FBXO34: variants seen among roughly 807,000 people sequenced by gnomAD.
FBXO34 encodes the protein F-box only protein 34.
FBXO34 carries 12 observed loss-of-function variants against 24.5 expected under a neutral mutation model. The ratio of observed to expected loss-of-function variants is 0.49; its 90% CI spans 0.31 to 0.79. The LOEUF is 0.79. Among genes scored for constraint, FBXO34 ranks in the 30% least tolerant of loss-of-function variants. The pLI, the probability that FBXO34 is intolerant of heterozygous loss-of-function variation, is 0.04. For missense variants in FBXO34, 823 were observed against 857.7 expected, an observed-to-expected ratio of 0.96 and a Z score of 0.51; for synonymous variants, 320 against 311.9, an observed-to-expected ratio of 1.03 and a Z score of -0.27.
intron 1 of FBXO34, among the ~76,000 whole-genome samples, chr14:55,279,575 C>A (rs558360364): frequency 6.6e-6 from 1 of 152,270 alleles, no homozygotes; most frequent in East Asian, 1.9e-4. Context: ...TATATATAAA[C>A]CCTTGGAGTA....
chr14:55,315,289 T>C (rs1290801901), intron 1 of FBXO34, among the ~76,000 whole-genome samples: 2 of 152,254 alleles, frequency 1.3e-5, no homozygotes, highest in East Asian at 1.9e-4. Flanking sequence ...CTTGTCCTTA[T>C]TTACTTTCAG....
chr14:55,424,395 T>G, the FBXO34 span: 4 of 563,244 alleles, frequency 7.1e-6, no homozygotes, highest in Non-Finnish European at 9.5e-6. Context: ...TTAACTATCT[T>G]GATGAAGAGT....
chr14:55,320,592 A>G (rs890592190), intron 1 of FBXO34, among the ~76,000 whole-genome samples: 1 of 152,150 alleles, frequency 6.6e-6, no homozygotes, highest in East Asian at 1.9e-4. Context: ...TCTACTAAAA[A>G]TACACACACA....
At chr14:55,378,246 T>C in the FBXO34 span, among the ~76,000 whole-genome samples, 1 of 152,232 alleles carries the variant, frequency 6.6e-6, no homozygotes. Context: ...AGAACAATTA[T>C]ACTGCATCTA....
At chr14:55,273,373 TG>T (rs1881223786) in intron 1 of FBXO34, among the ~76,000 whole-genome samples, 1 of 152,226 alleles carries the variant, frequency 6.6e-6, no homozygotes, top group Non-Finnish European at 1.5e-5. Context: ...AAGGCTTTCC[TG>T]TACATGTTAT....
At chr14:55,387,933 A>AT in the FBXO34 span, among the ~76,000 whole-genome samples, 8 of 152,132 alleles carry the variant, frequency 5.3e-5, no homozygotes, top group African/African-American at 1.9e-4. Flanking sequence ...AAGTGCTGGG[A>AT]TTATAGGCAT....
chr14:55,299,586 G>A (rs1279741420), intron 1 of FBXO34, among the ~76,000 whole-genome samples: 1 of 152,104 alleles, frequency 6.6e-6, no homozygotes, highest in African/African-American at 2.4e-5. Context: ...TAACCACAGT[G>A]CCATTATCCC....
intron 1 of FBXO34, among the ~76,000 whole-genome samples, chr14:55,326,485 T>A (rs1883346998): frequency 6.6e-6 from 1 of 152,202 alleles, no homozygotes; most frequent in African/African-American, 2.4e-5. Context: ...TCTTAGAGAT[T>A]TTCCTTAGCA....
At chr14:55,384,438 C>G in the FBXO34 span, among the ~76,000 whole-genome samples, 1 of 152,206 alleles carries the variant, frequency 6.6e-6, no homozygotes, top group African/African-American at 2.4e-5. Flanking sequence ...CCTTATTCAC[C>G]TCTCTCCAAC....
intron 1 of FBXO34, among the ~76,000 whole-genome samples, chr14:55,306,069 TA>T (rs1850249817): frequency 6.6e-6 from 1 of 152,236 alleles, no homozygotes; most frequent in South Asian, 2.1e-4. Flanking sequence ...ATGTATATAA[TA>T]CATAGTCCTC....
chr14:55,381,994 C>CA, the FBXO34 span: 3 of 1,614,182 alleles, frequency 1.9e-6, no homozygotes, highest in Non-Finnish European at 2.5e-6. Context: ...CTCCTCCACC[C>CA]AGCTGTAGTA....
At chr14:55,289,784 G>A (rs1461501779) in intron 1 of FBXO34, among the ~76,000 whole-genome samples, 1 of 151,974 alleles carries the variant, frequency 6.6e-6, no homozygotes, top group Non-Finnish European at 1.5e-5. Flanking sequence ...CTGGACTCAA[G>A]GATTATTCTG....
At chr14:55,279,273 C>T (rs1277095344) in intron 1 of FBXO34, among the ~76,000 whole-genome samples, 2 of 135,692 alleles carry the variant, frequency 1.5e-5, no homozygotes, top group South Asian at 2.3e-4. Context: ...GCGACATAAG[C>T]GAGACTCCGT....
At chr14:55,364,672 G>T (rs150621132), downstream of FBXO34, among the ~76,000 whole-genome samples, 1 of 150,668 alleles carries the variant, frequency 6.6e-6, no homozygotes, top group African/African-American at 2.4e-5. Flanking sequence ...CAGGTGATCC[G>T]CCTGTCTCTG....
chr14:55,377,318 G>A, the FBXO34 span, among the ~76,000 whole-genome samples: 8 of 152,096 alleles, frequency 5.3e-5, no homozygotes, highest in Non-Finnish European at 1.0e-4. Context: ...CTGCACTCTA[G>A]CCTGGGTGAC....
chr14:55,293,148 G>T (rs1882000211), intron 1 of FBXO34, among the ~76,000 whole-genome samples: 2 of 151,352 alleles, frequency 1.3e-5, no homozygotes, highest in South Asian at 4.2e-4. Flanking sequence ...CTCCCAAAGT[G>T]CTGGGATTAC....
At chr14:55,359,728 A>G (rs926997698) in intron 3 of FBXO34, among the ~76,000 whole-genome samples, 2 of 152,156 alleles carry the variant, frequency 1.3e-5, no homozygotes, top group Admixed American at 6.5e-5. Context: ...TACCCCCATT[A>G]TAACTTACTT....
chr14:55,382,131 C>T, the FBXO34 span: 2 of 1,613,998 alleles, frequency 1.2e-6, no homozygotes, highest in East Asian at 2.2e-5. Context: ...CTTCAGCAAG[C>T]TTGCTCACAG....
At chr14:55,378,372 C>T in the FBXO34 span, among the ~76,000 whole-genome samples, 1 of 152,206 alleles carries the variant, frequency 6.6e-6, no homozygotes, top group Non-Finnish European at 1.5e-5. Flanking sequence ...TTTCTTGAAG[C>T]ATCAACAGCA....
Sources: gnomAD v4.1 joint callset for allele counts (sites outside exome capture counted in the v4.1 genomes callset) on GRCh38, gnomAD v4.1.1 for gene constraint, MANE v1.5 for transcripts, NCBI Gene and HGNC (gene_info 2026-07-23, HGNC 2026-07-21) for gene names.